CENPF: variants seen among roughly 807,000 people sequenced by gnomAD.
The protein encoded by CENPF is centromere protein F.
In CENPF, 214 loss-of-function variants were observed where a neutral mutation model predicts 307.3. The observed-to-expected ratio is 0.70, with a 90% CI of 0.62 to 0.78. The LOEUF is 0.78. Among genes scored for constraint, CENPF ranks in the 30% least tolerant of loss-of-function variants. The pLI is 0.00. For missense variants in CENPF, 3,401 were observed against 3,483.9 expected, an observed-to-expected ratio of 0.98 and a Z score of 0.60; for synonymous variants, 1,259 against 1,270.6, an observed-to-expected ratio of 0.99 and a Z score of 0.19.
At chr1:214,625,381 C>T (rs541347381) in intron 7 of CENPF, among the ~76,000 whole-genome samples, 38 of 152,000 alleles carry the variant, frequency 2.5e-4, no homozygotes, top group African/African-American at 8.0e-4. Flanking sequence ...CGACCATGCC[C>T]GGCTAATTTT....
chr1:214,641,457 G>GT lies in CENPF; in HGVS notation c.3120dup (p.Gln1041SerfsTer12). 1 of 1,546,990 alleles carries GT rather than the reference G, an allele frequency of 6.5e-7. No homozygotes were observed. Among genetic ancestry groups the GT allele is most frequent in the Non-Finnish European group, 8.7e-7 (1 of 1,155,326 alleles). ...ACCGGAAATGCATATGAGGATCTTA[G>GT]TCAAAAATACAAAGCAGCACAGGAA... On this transcript the variant is annotated frameshift_variant, in exon 12 of 20. Coordinates refer to ENST00000366955, the MANE Select transcript of CENPF (RefSeq NM_016343.4). LOFTEE classifies it high-confidence loss of function.
intron 1 of CENPF, among the ~76,000 whole-genome samples, chr1:214,610,307 C>T (rs1427047997): frequency 6.6e-6 from 1 of 152,178 alleles, no homozygotes; most frequent in Non-Finnish European, 1.5e-5. Flanking sequence ...TGCACTCCCA[C>T]CAAAAGTGTA....
chr1:214,631,743 G>A (rs1001270604), intron 9 of CENPF, among the ~76,000 whole-genome samples: 3 of 152,098 alleles, frequency 2.0e-5, no homozygotes, highest in African/African-American at 4.8e-5. Flanking sequence ...CAGGTGATCT[G>A]CCCACCTTGA....
rs149079161 is a variant in CENPF, at chr1:214,657,360, G to A, written c.8913G>A (p.Thr2971=). Residue 2971 remains threonine (T), a synonymous_variant, in exon 18 of 20, where the codon ACG becomes ACA. Transcript: ENST00000366955. ...GTGGTATTCACCCTGCAGAAGACAC[G>A]GAAGGTACTGAGTTTGAGCCAGAGG... ...VMSGIHPAED[T]EGTEFEPEGL... The A allele has an allele frequency of 8.0e-5, 129 of 1,612,320 alleles. No homozygotes were observed. The African/African-American group carries it at 1.3e-3, about 16-fold the overall frequency.
chr1:214,618,570 C>T lies in CENPF; in HGVS notation c.360-3C>T. The stretch of plus-strand genomic sequence containing the variant: ...GTCTGCCTCTTGGGTCCTTTTCTAA[C>T]AGGTGTAAATCTGAGCTTGAAAGAA... On this transcript the variant is annotated splice_region_variant and splice_polypyrimidine_tract_variant and intron_variant, in intron 3 of 19. Coordinates refer to ENST00000366955, the MANE Select transcript of CENPF (RefSeq NM_016343.4). The T allele has an allele frequency of 6.2e-7, 1 of 1,613,138 alleles. No homozygotes were observed. Among genetic ancestry groups the T allele is most frequent in the Non-Finnish European group, 8.5e-7 (1 of 1,179,666 alleles).
At chr1:214,624,370 A>C (rs74871236) in intron 7 of CENPF, among the ~76,000 whole-genome samples, 7,256 of 152,052 alleles carry the variant, frequency 0.048, 241 homozygotes, top group East Asian at 0.12. Flanking sequence ...TTTATATATT[A>C]AGTAGAATTC....
Position 214,642,086 on chromosome 1 carries a change from T to G in CENPF, c.3748T>G (p.Leu1250Val). 1 of 1,611,084 alleles carries G rather than the reference T, an allele frequency of 6.2e-7. No individual in the cohort carries two copies. Among genetic ancestry groups the G allele is most frequent in the Non-Finnish European group, 8.5e-7 (1 of 1,179,180 alleles). Residue 1250 changes from leucine (L) to valine (V), a missense_variant, in exon 12 of 20, where the codon TTG becomes GTG. By Grantham distance (32) the Leu-to-Val change is conservative. Transcript: ENST00000366955. ...TIRGDLETSN[L>V]QDMQSQEISG... ...TAGAGGAGATCTTGAAACCAGCAAT[T>G]TGCAAGACATGCAGTCACAAGAAAT...
At chr1:214,660,697 C>G (rs1658766637) in intron 19 of CENPF, among the ~76,000 whole-genome samples, 1 of 152,234 alleles carries the variant, frequency 6.6e-6, no homozygotes, top group African/African-American at 2.4e-5. Flanking sequence ...TTGTCTCACA[C>G]TTCTGGAGAT....
chr1:214,654,757 G>A (rs896847346), intron 16 of CENPF, among the ~76,000 whole-genome samples: 7 of 151,802 alleles, frequency 4.6e-5, no homozygotes, highest in Non-Finnish European at 7.4e-5. Context: ...CTTTCTACTC[G>A]AGCCACAATG....
intron 1 of CENPF, chr1:214,613,002 C>A: frequency 6.2e-6 from 2 of 324,150 alleles, no homozygotes; most frequent in South Asian, 3.7e-5. Flanking sequence ...AGGAGTGTCA[C>A]ATTTTCTTTA....
At chr1:214,630,994 T>C (rs567764549) in intron 9 of CENPF, among the ~76,000 whole-genome samples, 3 of 152,314 alleles carry the variant, frequency 2.0e-5, no homozygotes, top group East Asian at 1.9e-4. Flanking sequence ...ACTTTACTTA[T>C]TTAAGACTCA....
chr1:214,656,872 T>C lies in CENPF; in HGVS notation c.8486-61T>C, dbSNP rs143200912. ...ACGTCTAAGATTATCTGCTTCACGA[T>C]GCCCATTGTTAACTAGAGAAGCATC... On this transcript the variant is annotated intron_variant, in intron 17 of 19. Coordinates refer to ENST00000366955, the MANE Select transcript of CENPF (RefSeq NM_016343.4). The C allele has an allele frequency of 5.2e-4, 566 of 1,080,780 alleles. 2 individuals are homozygous for C. In the African/African-American group the frequency reaches 7.3e-3, roughly 14 times the overall value. The allele number at this position is 1,080,780 out of a possible 1,614,324, so 66.9% of individuals were successfully genotyped here.
chr1:214,640,954 G>A lies in CENPF; in HGVS notation c.2616G>A (p.Gln872=). The A allele has an allele frequency of 6.2e-7, 1 of 1,605,752 alleles. No homozygotes were observed. The highest frequency in any genetic ancestry group is 8.5e-7 in the Non-Finnish European group (1 of 1,178,022). Residue 872 remains glutamine (Q), a synonymous_variant, in exon 12 of 20, where the codon CAG becomes CAA. Transcript: ENST00000366955. The stretch of plus-strand genomic sequence containing the variant: ...AAGAAAATCTCATGAAAGCAGAACA[G>A]ATGCATCAAAGTTTTGTGGCTGAAA... ...EIEENLMKAE[Q]MHQSFVAETS... is the part of the protein sequence containing the mutation.
In CENPF at chr1:214,641,498, G is replaced by T. The variant is rs373954389; in HGVS notation, c.3160G>T (p.Glu1054Ter). The T allele has an allele frequency of 6.6e-7, 1 of 1,520,556 alleles. No individual in the cohort carries two copies. Among genetic ancestry groups the T allele is most frequent in the Non-Finnish European group, 8.8e-7 (1 of 1,141,496 alleles). 94.2% of individuals were successfully genotyped at this position (1,520,556 alleles called of 1,614,324 possible). A position where few individuals can be genotyped will look rare whatever the true frequency, so the allele number is the denominator to read the frequency against. Residue 1054 changes from glutamate to a stop codon, truncating the protein, a stop_gained, in exon 12 of 20, where the codon GAA becomes TAA. Transcript: ENST00000366955. LOFTEE classifies it high-confidence loss of function. Reference sequence around the variant, plus strand: ...AGCACAGGAAAAGAATTCTAAATTAGAATGCTTGCTAAATGAATGCACTAG... The same window carrying T: ...AGCACAGGAAAAGAATTCTAAATTATAATGCTTGCTAAATGAATGCACTAG... ...KAAQEKNSKL[E>*]CLLNECTSLC...
chr1:214,622,658 CGT>C (rs1293603387), intron 7 of CENPF, among the ~76,000 whole-genome samples: 15 of 152,124 alleles, frequency 9.9e-5, no homozygotes, highest in African/African-American at 3.6e-4. Flanking sequence ...CTCTTGGGAT[CGT>C]ATATATAGTT....
intron 17 of CENPF, 130 bp from the exon 18 acceptor site, chr1:214,656,803 A>C: frequency 1.6e-6 from 1 of 640,480 alleles, no homozygotes; most frequent in Non-Finnish European, 2.7e-6. Flanking sequence ...ACATATACAG[A>C]TATATCTCCC....
At chr1:214,616,380 CTT>C (rs1373068778) in intron 3 of CENPF, among the ~76,000 whole-genome samples, 2 of 152,164 alleles carry the variant, frequency 1.3e-5, no homozygotes, top group Non-Finnish European at 2.9e-5. Context: ...TTTGTGACAT[CTT>C]TGCTAATCTG....
chr1:214,641,173 AC>A lies in CENPF; in HGVS notation c.2836del (p.Leu946PhefsTer6), dbSNP rs1275155865. The A allele has an allele frequency of 1.9e-6, 3 of 1,603,812 alleles. No homozygotes were observed. The highest frequency in any genetic ancestry group is 2.5e-6 in the Non-Finnish European group (3 of 1,177,402). ...TTGAAGACTCTCTAAAGGAGCTACA[AC>A]TTTTATCCGAAACCCTAAGCTTGGA... ...LLEDSLKELQ[L>X]LSETLSLEKK... On this transcript the variant is annotated frameshift_variant, in exon 12 of 20. Coordinates refer to ENST00000366955, the MANE Select transcript of CENPF (RefSeq NM_016343.4). LOFTEE classifies it high-confidence loss of function.
Position 214,659,095 on chromosome 1 carries a change from A to T in CENPF, c.9141+67A>T. 1 of 1,538,124 alleles carries T rather than the reference A, an allele frequency of 6.5e-7. No homozygotes were observed. Among genetic ancestry groups the T allele is most frequent in the Non-Finnish European group, 8.9e-7 (1 of 1,120,296 alleles). The stretch of plus-strand genomic sequence containing the variant: ...AAATTGCAGTAGTACCTGGGTGAGG[A>T]TTGGACACTGCACCCCCGATTCAGG... On this transcript the variant is annotated intron_variant, in intron 19 of 19. Transcript: ENST00000366955. This position sits in a 1 kb window ranked among gnomAD's most constrained non-coding sequence, Gnocchi z 4.4.
Sources: gnomAD v4.1 joint callset for allele counts (sites outside exome capture counted in the v4.1 genomes callset) on GRCh38, gnomAD v4.1.1 for gene constraint, Gnocchi (gnomAD v3.1) non-coding constraint, MANE v1.5 for transcripts, NCBI Gene and HGNC (gene_info 2026-07-23, HGNC 2026-07-21) for gene names.